The following NFATC2 variants were observed in gnomAD, a reference collection of about 807,000 sequenced individuals.
The protein encoded by NFATC2 is nuclear factor of activated T cells 2.
NFATC2 carries 22 observed loss-of-function variants against 87.3 expected under a neutral mutation model. The ratio of observed to expected loss-of-function variants is 0.25; its 90% CI spans 0.18 to 0.36. The LOEUF (loss-of-function observed/expected upper bound fraction) is 0.36, where lower values mean the gene tolerates loss of function less well. Among genes scored for constraint, NFATC2 ranks in the 10% least tolerant of loss-of-function variants. The pLI, the probability that NFATC2 is intolerant of heterozygous loss-of-function variation, is 1.00. For missense variants in NFATC2, 1,149 were observed against 1,259.1 expected (o/e 0.91, Z 1.32); for synonymous variants, 565 against 542.2 (o/e 1.04, Z -0.58).
At chr20:51,558,484 T>G (rs1568762995) in intron 1 of NFATC2, among the ~76,000 whole-genome samples, 3 of 150,500 alleles carry the variant, frequency 2.0e-5, no homozygotes, top group South Asian at 2.1e-4. Context: ...TTGGTTTTTT[T>G]GGGGGGGGGC....
chr20:51,517,245 G>A (rs1313600419), intron 2 of NFATC2, among the ~76,000 whole-genome samples: 1 of 152,040 alleles, frequency 6.6e-6, no homozygotes, highest in Non-Finnish European at 1.5e-5. Flanking sequence ...AACACAATGG[G>A]AATTATTTGA....
At chr20:51,405,333 C>T (rs1278760263) in intron 9 of NFATC2, among the ~76,000 whole-genome samples, 2 of 152,188 alleles carry the variant, frequency 1.3e-5, no homozygotes, top group East Asian at 1.9e-4. Flanking sequence ...GGCTGCTCTT[C>T]GGGACTGGAG....
chr20:51,424,386 G>A (rs1981443982), intron 9 of NFATC2, among the ~76,000 whole-genome samples: 1 of 152,174 alleles, frequency 6.6e-6, no homozygotes, highest in Non-Finnish European at 1.5e-5. Flanking sequence ...CAAGGAAGAG[G>A]AGGAGGAGGA....
At chr20:51,470,583 A>C (rs1183495558) in intron 5 of NFATC2, among the ~76,000 whole-genome samples, 1 of 152,194 alleles carries the variant, frequency 6.6e-6, no homozygotes, top group African/African-American at 2.4e-5. Context: ...AGCCTTGCAA[A>C]TAAGTACTAG....
rs186550148 is a variant in NFATC2 at position 51,466,197 on chromosome 20, T to G, written c.1708+7783A>C. Among the ~76,000 whole-genome samples, 1,328 of 152,078 alleles carry G rather than the reference T, an allele frequency of 8.7e-3. 53 individuals are homozygous for G. In the East Asian group the frequency reaches 0.13, roughly 15 times the overall value. ...CCTCCAGAGTAGCTGGGGTTACAGG[T>G]GTGCACCACCACACCTGGCTAACTT... On this transcript the variant is annotated intron_variant, in intron 5 of 10. Coordinates refer to ENST00000371564, the MANE Select transcript of NFATC2 (RefSeq NM_012340.5).
At chr20:51,481,834 A>G (rs1243149104) in intron 3 of NFATC2, among the ~76,000 whole-genome samples, 1 of 152,122 alleles carries the variant, frequency 6.6e-6, no homozygotes, top group African/African-American at 2.4e-5. Context: ...ACGCCATCCA[A>G]CCTCATCACA....
intron 5 of NFATC2, among the ~76,000 whole-genome samples, chr20:51,466,627 C>A (rs1378627318): frequency 6.6e-6 from 1 of 152,112 alleles, no homozygotes; most frequent in South Asian, 2.1e-4. Flanking sequence ...AAACCAGAAC[C>A]GAAAAGCTTC....
rs746344479 is a variant in NFATC2 at position 51,432,802 on chromosome 20, A to G, written c.2033-46T>C. 1.6e-4 allele frequency: 232 copies of G among 1,472,346 alleles called. No homozygotes were observed. The highest frequency in any genetic ancestry group is 1.8e-4 in the Non-Finnish European group (195 of 1,110,586). The allele number at this position is 1,472,346 out of a possible 1,614,324, so 91.2% of individuals were successfully genotyped here. On this transcript the variant is annotated intron_variant, in intron 8 of 10. Coordinates refer to ENST00000371564, the MANE Select transcript of NFATC2 (RefSeq NM_012340.5). This position sits in a 1 kb window ranked among gnomAD's most constrained non-coding sequence, Gnocchi z 4.6. ...ATAGGGGCGCCCATGGCAGTGAGCC[A>G]CGGATGTGCACGGAGGATTCGTGGA...
chr20:51,436,391 C>T (rs1357604490), intron 6 of NFATC2, among the ~76,000 whole-genome samples: 2 of 86,846 alleles, frequency 2.3e-5, no homozygotes, highest in East Asian at 8.4e-4. Flanking sequence ...GTCTATCTTT[C>T]TATTTTTTTT....
chr20:51,425,587 T>G (rs968197702), intron 9 of NFATC2, among the ~76,000 whole-genome samples: 2 of 152,200 alleles, frequency 1.3e-5, no homozygotes, highest in African/African-American at 4.8e-5. Flanking sequence ...GTGACCAGGC[T>G]CCGCGTGGGC....
At chr20:51,509,725 C>G (rs2076242359) in intron 3 of NFATC2, among the ~76,000 whole-genome samples, 1 of 152,240 alleles carries the variant, frequency 6.6e-6, no homozygotes. Flanking sequence ...GGAAAAAATC[C>G]CATCTGGCTT....
chr20:51,470,149 C>T (rs930265071), intron 5 of NFATC2, among the ~76,000 whole-genome samples: 3 of 151,996 alleles, frequency 2.0e-5, no homozygotes, highest in African/African-American at 7.3e-5. Flanking sequence ...TTGGGGAAGA[C>T]GGGGGTGATC....
At chr20:51,409,056 GA>G (rs1218101825) in intron 9 of NFATC2, among the ~76,000 whole-genome samples, 1 of 152,192 alleles carries the variant, frequency 6.6e-6, no homozygotes, top group African/African-American at 2.4e-5. Context: ...CCAGCTAAGT[GA>G]AAAAATTTAA....
intron 1 of NFATC2, among the ~76,000 whole-genome samples, chr20:51,536,898 AACACACAC>A (rs10648135): frequency 1.3e-4 from 19 of 149,786 alleles, no homozygotes; most frequent in African/African-American, 2.7e-4. Flanking sequence ...GCAAGCACCA[AACACACAC>A]ACACACACAC....
chr20:51,406,648 C>T (rs79272515), intron 9 of NFATC2, among the ~76,000 whole-genome samples: 1,529 of 152,320 alleles, frequency 0.01, 29 homozygotes, highest in African/African-American at 0.035. Flanking sequence ...CCCACAAACC[C>T]ACCAGCAACC....
chr20:51,551,853 C>G (rs1185175452), intron 1 of NFATC2, among the ~76,000 whole-genome samples: 4 of 151,552 alleles, frequency 2.6e-5, no homozygotes, highest in Non-Finnish European at 5.9e-5. Context: ...TGGTGAAACC[C>G]AATCTCTACT....
chr20:51,448,149 T>C (rs1426211356), intron 6 of NFATC2, among the ~76,000 whole-genome samples: 2 of 152,182 alleles, frequency 1.3e-5, no homozygotes, highest in African/African-American at 4.8e-5. Context: ...GACCAGGTGA[T>C]AAATGAACAG....
chr20:51,402,239 T>C (rs113908911), intron 9 of NFATC2, among the ~76,000 whole-genome samples: 3 of 152,206 alleles, frequency 2.0e-5, no homozygotes, highest in African/African-American at 7.2e-5. Flanking sequence ...AGACCTGAAC[T>C]GCCCATTTCT....
At chr20:51,496,264 C>T (rs1419903370) in intron 3 of NFATC2, among the ~76,000 whole-genome samples, 3 of 152,126 alleles carry the variant, frequency 2.0e-5, no homozygotes, top group Non-Finnish European at 4.4e-5. Context: ...GAGAAATTTC[C>T]TAATTTGTAA....
Sources: gnomAD v4.1 joint callset for allele counts (sites outside exome capture counted in the v4.1 genomes callset) on GRCh38, gnomAD v4.1.1 for gene constraint, Gnocchi (gnomAD v3.1) non-coding constraint, MANE v1.5 for transcripts, NCBI Gene and HGNC (gene_info 2026-07-23, HGNC 2026-07-21) for gene names.